Variants in COL28A1 observed in about 807,000 individuals in gnomAD.
The protein encoded by COL28A1 is collagen alpha-1(XXVIII) chain.
COL28A1 carries 161 observed loss-of-function variants against 150.2 expected under a neutral mutation model. The ratio of observed to expected loss-of-function variants is 1.07; its 90% confidence interval spans 0.94 to 1.22. The LOEUF (loss-of-function observed/expected upper bound fraction) is 1.22. COL28A1 is among the 50% of genes most tolerant of loss of function. The pLI, the probability that COL28A1 is intolerant of heterozygous loss-of-function variation, is 0.00. For missense variants in COL28A1, 1,617 were observed against 1,388.3 expected (o/e 1.16, Z -2.62); for synonymous variants, 552 against 469.7 (o/e 1.18, Z -2.26).
intron 33 of COL28A1, among the ~76,000 whole-genome samples, chr7:7,361,538 C>T (rs182488947): frequency 2.6e-5 from 4 of 152,350 alleles, no homozygotes; most frequent in Admixed American, 6.5e-5. Context: ...GCCATTCTAA[C>T]TGGCATGAAA....
intron 13 of COL28A1, among the ~76,000 whole-genome samples, chr7:7,480,458 T>C (rs961797844): frequency 6.6e-6 from 1 of 152,096 alleles, no homozygotes; most frequent in Non-Finnish European, 1.5e-5. Flanking sequence ...AATAGGAGCA[T>C]GAAAATTATT....
chr7:7,438,280 A>C (rs1190794188), intron 21 of COL28A1, among the ~76,000 whole-genome samples: 1 of 152,198 alleles, frequency 6.6e-6, no homozygotes, highest in Non-Finnish European at 1.5e-5. Flanking sequence ...GATTTTAAAA[A>C]AATGACATTT....
intron 20 of COL28A1, among the ~76,000 whole-genome samples, chr7:7,441,784 T>C (rs114357764): frequency 0.021 from 3,266 of 152,170 alleles, 97 homozygotes; most frequent in African/African-American, 0.067. Context: ...CATTAGACTA[T>C]ACTAAGGTCA....
At chr7:7,493,735 T>C (rs1372259982) in intron 11 of COL28A1, among the ~76,000 whole-genome samples, 1 of 152,108 alleles carries the variant, frequency 6.6e-6, no homozygotes, top group Non-Finnish European at 1.5e-5. Flanking sequence ...TAAAATATGC[T>C]GTCTGGGTAA....
chr7:7,455,559 T>A (rs552204774), intron 16 of COL28A1, among the ~76,000 whole-genome samples: 331 of 152,336 alleles, frequency 2.2e-3, no homozygotes, highest in African/African-American at 7.4e-3. Flanking sequence ...CCCCTTAAAC[T>A]AAGTGGTTAT....
intron 28 of COL28A1, among the ~76,000 whole-genome samples, chr7:7,381,108 C>G (rs930849080): frequency 1.3e-5 from 2 of 152,138 alleles, no homozygotes; most frequent in Non-Finnish European, 2.9e-5. Flanking sequence ...ACCATCTAAT[C>G]GGCTCACCTT....
rs373416527 is a variant in COL28A1, at chr7:7,422,182, A to T, written c.1999-2229T>A. ...CACTCTCCAACAAAACAAGTCAAGC[A>T]TAGTTAAGTAAATCTTACCCAAAAT... On this transcript the variant is annotated intron_variant, in intron 25 of 34. Coordinates refer to ENST00000399429, the MANE Select transcript of COL28A1 (RefSeq NM_001037763.3). 8.5e-5 allele frequency among the ~76,000 whole-genome samples: 13 copies of T among 152,340 alleles called. No individual in the cohort carries two copies. The South Asian group carries it at 1.0e-3, about 12-fold the overall frequency.
At chr7:7,387,905 C>T (rs140269136) in intron 27 of COL28A1, among the ~76,000 whole-genome samples, 1 of 152,266 alleles carries the variant, frequency 6.6e-6, no homozygotes, top group East Asian at 1.9e-4. Context: ...AACAAAGCTG[C>T]AGGTGTGGAT....
In COL28A1 at chr7:7,418,129, T is replaced by A. The variant is rs546152591; in HGVS notation, c.2068-202A>T. The stretch of plus-strand genomic sequence containing the variant: ...AATTCTATGCAAACAAAACCTTAAA[T>A]ATAATCCAAATAAAAATTAAGCAGT... On this transcript the variant is annotated intron_variant, in intron 26 of 34. Transcript: ENST00000399429. 3.3e-5 allele frequency among the ~76,000 whole-genome samples: 5 copies of A among 152,320 alleles called. No individual in the cohort carries two copies. In the East Asian group the frequency reaches 9.6e-4, roughly 29 times the overall value.
chr7:7,358,770 A>G lies in COL28A1; in HGVS notation c.3241T>C (p.Cys1081Arg). 5.6e-6 allele frequency: 9 copies of G among 1,614,018 alleles called. No individual in the cohort carries two copies. Among genetic ancestry groups the G allele is most frequent in the Non-Finnish European group, 7.6e-6 (9 of 1,179,918 alleles). Reference sequence around the variant, plus strand: ...TACCATCGAACCACATATTCACCACAGTTTCCAGGCTTCAAGGCTTCCAAA... The same window carrying G: ...TACCATCGAACCACATATTCACCACGGTTTCCAGGCTTCAAGGCTTCCAAA... ...RCLEALKPGN[C>R]GEYVVRWYYD... is the part of the protein sequence containing the mutation. The change falls in exon 35 of 35, where the codon TGT (cysteine) becomes CGT (arginine). Residue 1081 changes from cysteine to arginine, a missense_variant. By Grantham distance (180) the Cys-to-Arg change is radical. Coordinates refer to ENST00000399429, the MANE Select transcript of COL28A1 (RefSeq NM_001037763.3).
intron 27 of COL28A1, among the ~76,000 whole-genome samples, chr7:7,398,764 T>A (rs1313064144): frequency 6.6e-6 from 1 of 152,234 alleles, no homozygotes; most frequent in Admixed American, 6.5e-5. Flanking sequence ...GTTGCCTTTA[T>A]GACAGTTGAC....
intron 33 of COL28A1, among the ~76,000 whole-genome samples, chr7:7,362,007 A>G (rs1299026235): frequency 2.0e-5 from 3 of 152,166 alleles, no homozygotes; most frequent in African/African-American, 4.8e-5. Context: ...AGGGAGGGGA[A>G]CATCACACAA....
intron 15 of COL28A1, among the ~76,000 whole-genome samples, chr7:7,459,599 T>C (rs906481987): frequency 6.6e-6 from 1 of 152,248 alleles, no homozygotes; most frequent in Non-Finnish European, 1.5e-5. Flanking sequence ...CTTCCCCCTC[T>C]GGCAGCTTCA....
In COL28A1 at chr7:7,535,770, G is replaced by C. The variant is rs889994001; in HGVS notation, c.-58C>G. Reference sequence around the variant, plus strand: ...CTTACCTTATAAAGTTTGTCAAACAGGAATTAAAGACTAGTTGAGTAAATG... The same window carrying C: ...CTTACCTTATAAAGTTTGTCAAACACGAATTAAAGACTAGTTGAGTAAATG... On this transcript the variant is annotated 5_prime_UTR_variant, in exon 1 of 35. Coordinates refer to ENST00000399429, the MANE Select transcript of COL28A1 (RefSeq NM_001037763.3). 2.6e-5 allele frequency: 4 copies of C among 152,170 alleles called. No individual in the cohort carries two copies. The highest frequency in any genetic ancestry group is 7.2e-5 in the African/African-American group (3 of 41,452). 9.4% of individuals were successfully genotyped at this position (152,170 alleles called of 1,614,324 possible). A position where few individuals can be genotyped will look rare whatever the true frequency, so the allele number is the denominator to read the frequency against.
At chr7:7,520,196 T>G (rs1361689641) in intron 5 of COL28A1, 81 bp from the exon 6 acceptor site, 1 of 708,520 alleles carries the variant, frequency 1.4e-6, no homozygotes, top group African/African-American at 1.8e-5. Context: ...TGATCAGTTT[T>G]GTTTCCTAGA....
At chr7:7,376,228 A>G (rs17167055) in intron 30 of COL28A1, among the ~76,000 whole-genome samples, 22,607 of 152,066 alleles carry the variant, frequency 0.15, 3,994 homozygotes, top group African/African-American at 0.42. Flanking sequence ...CCAAACACTT[A>G]AAGCTAAAAG....
At chr7:7,428,273 C>T (rs1190392526) in intron 25 of COL28A1, among the ~76,000 whole-genome samples, 1 of 152,120 alleles carries the variant, frequency 6.6e-6, no homozygotes, top group African/African-American at 2.4e-5. Context: ...AAAGATTAGG[C>T]TAAGTTCAAC....
At chr7:7,412,854 T>C (rs1783864078) in intron 27 of COL28A1, among the ~76,000 whole-genome samples, 1 of 152,120 alleles carries the variant, frequency 6.6e-6, no homozygotes, top group Non-Finnish European at 1.5e-5. Flanking sequence ...TTTTAAAGAT[T>C]AGTAAGCTGA....
At chr7:7,472,633 A>G (rs181683569) in intron 15 of COL28A1, among the ~76,000 whole-genome samples, 129 of 152,340 alleles carry the variant, frequency 8.5e-4, no homozygotes, top group African/African-American at 3.0e-3. Context: ...AATTCCCATC[A>G]GAATACCATC....
Sources: gnomAD v4.1 joint callset for allele counts (sites outside exome capture counted in the v4.1 genomes callset) on GRCh38, gnomAD v4.1.1 for gene constraint, MANE v1.5 for transcripts, NCBI Gene and HGNC (gene_info 2026-07-23, HGNC 2026-07-21) for gene names.